Variants in CACNG2 observed in about 807,000 individuals in gnomAD.
CACNG2 encodes voltage-dependent calcium channel gamma-2 subunit.
In CACNG2, 3 loss-of-function variants were observed where a neutral mutation model predicts 25.9. The ratio of observed to expected loss-of-function variants is 0.12; its 90% CI spans 0.05 to 0.30. The LOEUF is 0.30. CACNG2 is among the 10% of genes least tolerant of loss of function. The probability of loss-of-function intolerance (pLI) is 1.00; values close to 1 mark genes in which losing one functional copy is unlikely to be tolerated. For synonymous variants in CACNG2, 167 were observed against 173.3 expected, an observed-to-expected ratio of 0.96 and a Z score of 0.29; for missense variants, 341 against 432.5, an observed-to-expected ratio of 0.79 and a Z score of 1.88.
intron 1 of CACNG2, among the ~76,000 whole-genome samples, chr22:36,660,103 C>T (rs907077680): frequency 3.0e-4 from 46 of 152,250 alleles, no homozygotes; most frequent in Non-Finnish European, 2.2e-4. Context: ...TGGCACAGAC[C>T]TGTCCCACCT....
intron 1 of CACNG2, among the ~76,000 whole-genome samples, chr22:36,630,310 G>C (rs955386957): frequency 2.0e-5 from 3 of 152,160 alleles, no homozygotes; most frequent in African/African-American, 4.8e-5. Context: ...GGAGATGGCA[G>C]TTTGGGATCA....
In CACNG2 at chr22:36,560,930, T is replaced by G. The variant is rs1935017083; in HGVS notation, c.*3421A>C. 1 of 149,304 alleles carries G rather than the reference T, an allele frequency of 6.7e-6. No individual in the cohort carries two copies. 9.2% of individuals were successfully genotyped at this position (149,304 alleles called of 1,614,324 possible). ...TTTTTTTTTTCAGTTTTCTGCTTTT[T>G]AAAATTTTTTTTCTGTTAACAGTCT... On this transcript the variant is annotated 3_prime_UTR_variant, in exon 4 of 4. Transcript: ENST00000300105.
intron 1 of CACNG2, among the ~76,000 whole-genome samples, chr22:36,691,726 A>C (rs576881608): frequency 6.6e-6 from 1 of 152,346 alleles, no homozygotes; most frequent in East Asian, 1.9e-4. Context: ...ATCACAGCAC[A>C]TATCTTCAGA....
chr22:36,642,359 C>G (rs568958159), intron 1 of CACNG2, among the ~76,000 whole-genome samples: 132 of 152,192 alleles, frequency 8.7e-4, no homozygotes, highest in Non-Finnish European at 1.6e-3. Flanking sequence ...CACTCCACCC[C>G]CAATGCATTC....
chr22:36,564,204 TTTTTTTG>T lies in CACNG2; in HGVS notation c.*140_*146del, dbSNP rs1462740377. ...TTTTCTCTTTTTTTGTGTGTGTGTG[TTTTTTTG>T]TTTTTTGTTTTTTTGTTTTTTTTGT... On this transcript the variant is annotated 3_prime_UTR_variant, in exon 4 of 4. Transcript: ENST00000300105. The surrounding 1 kb of genome is among the most constrained non-coding windows in gnomAD (Gnocchi z 6.7). 1.6e-6 allele frequency: 1 copy of T among 644,776 alleles called. No individual in the cohort carries two copies. The highest frequency in any genetic ancestry group is 2.5e-6 in the Non-Finnish European group (1 of 398,550). The allele number at this position is 644,776 out of a possible 1,614,324, so 39.9% of individuals were successfully genotyped here. A position where few individuals can be genotyped will look rare whatever the true frequency, so the allele number is the denominator to read the frequency against.
intron 1 of CACNG2, among the ~76,000 whole-genome samples, chr22:36,603,225 G>A (rs1387415815): frequency 2.0e-5 from 3 of 152,238 alleles, no homozygotes; most frequent in African/African-American, 7.2e-5. Context: ...TTAAGCCAAA[G>A]CCTAATCCAG....
At chr22:36,657,136 T>C (rs1936719357) in intron 1 of CACNG2, among the ~76,000 whole-genome samples, 1 of 152,210 alleles carries the variant, frequency 6.6e-6, no homozygotes, top group African/African-American at 2.4e-5. Flanking sequence ...CCTCAGTCTC[T>C]GATGTTTGCT....
At chr22:36,587,899 C>T (rs1935530135) in intron 1 of CACNG2, among the ~76,000 whole-genome samples, 1 of 152,228 alleles carries the variant, frequency 6.6e-6, no homozygotes, top group Admixed American at 6.5e-5. Flanking sequence ...GTCTCTGTGC[C>T]CCAGCATAGC....
chr22:36,644,148 A>G (rs1418955826), intron 1 of CACNG2, among the ~76,000 whole-genome samples: 3 of 152,234 alleles, frequency 2.0e-5, no homozygotes, highest in African/African-American at 7.2e-5. Flanking sequence ...TATTAAGTAT[A>G]AAGCTCATCT....
intron 1 of CACNG2, among the ~76,000 whole-genome samples, chr22:36,613,092 G>A (rs1156622179): frequency 6.6e-6 from 1 of 151,818 alleles, no homozygotes; most frequent in Non-Finnish European, 1.5e-5. Flanking sequence ...TAACTGCATT[G>A]TCAAACTCTA....
chr22:36,602,077 T>G (rs538540750), intron 1 of CACNG2, among the ~76,000 whole-genome samples: 1 of 152,300 alleles, frequency 6.6e-6, no homozygotes, highest in Non-Finnish European at 1.5e-5. Flanking sequence ...ATTAGTGACG[T>G]TGGACACTTT....
chr22:36,626,274 C>G (rs941536646), intron 1 of CACNG2, among the ~76,000 whole-genome samples: 1 of 152,152 alleles, frequency 6.6e-6, no homozygotes, highest in Non-Finnish European at 1.5e-5. Context: ...AAATTCTAAC[C>G]CTATTTCTGA....
intron 1 of CACNG2, among the ~76,000 whole-genome samples, chr22:36,666,152 A>G (rs1418016945): frequency 6.6e-6 from 1 of 152,220 alleles, no homozygotes; most frequent in Non-Finnish European, 1.5e-5. Flanking sequence ...AACCTGTAAC[A>G]CTAGCACTTT....
At chr22:36,684,471 G>A (rs992675219) in intron 1 of CACNG2, among the ~76,000 whole-genome samples, 8 of 151,820 alleles carry the variant, frequency 5.3e-5, no homozygotes, top group African/African-American at 1.9e-4. Context: ...AAAAAAATGA[G>A]CCGGTGTGAT....
chr22:36,640,108 C>A (rs1196972987), intron 1 of CACNG2, among the ~76,000 whole-genome samples: 1 of 152,192 alleles, frequency 6.6e-6, no homozygotes, highest in Non-Finnish European at 1.5e-5. Context: ...GGGACCCAGA[C>A]TTCCAGGGTT....
At position 36,564,275 on chromosome 22, in the gene CACNG2, T is replaced by C; in HGVS notation, c.*76A>G. On this transcript the variant is annotated 3_prime_UTR_variant, in exon 4 of 4. Transcript: ENST00000300105. The surrounding 1 kb of genome is among the most constrained non-coding windows in gnomAD (Gnocchi z 6.7). ...TTTTGGAAGGTCTCCCAGCGGAGGG[T>C]CTGGGTCTCCCCGCCCCGCCCCGCC... The C allele has an allele frequency of 1.2e-5, 17 of 1,391,072 alleles. No homozygotes were observed. The highest frequency in any genetic ancestry group is 1.7e-5 in the Non-Finnish European group (17 of 1,015,206). 86.2% of individuals were successfully genotyped at this position (1,391,072 alleles called of 1,614,324 possible). A position where few individuals can be genotyped will look rare whatever the true frequency, so the allele number is the denominator to read the frequency against.
rs545064014 is a variant in CACNG2, at chr22:36,576,402, T to C, written c.296-9909A>G. 1.1e-3 allele frequency among the ~76,000 whole-genome samples: 165 copies of C among 152,086 alleles called. 3 individuals are homozygous for C. The South Asian group carries it at 0.033, about 31-fold the overall frequency. The stretch of plus-strand genomic sequence containing the variant: ...GAAAGGGTGGGGAGAGGATGAGGTA[T>C]AAAAGGCTACAAATTGGGTTCATTG... On this transcript the variant is annotated intron_variant, in intron 2 of 3. Coordinates refer to ENST00000300105, the MANE Select transcript of CACNG2 (RefSeq NM_006078.5).
rs145926384 is a variant in CACNG2, at chr22:36,655,945, T to G, written c.211+46421A>C. On this transcript the variant is annotated intron_variant, in intron 1 of 3. Transcript: ENST00000300105. The stretch of plus-strand genomic sequence containing the variant: ...GCCTCAGCCTCCTGAGTAGCTGGGA[T>G]TACAGGTGTGTGCCACCACGCCCAG... Among the ~76,000 whole-genome samples the G allele has an allele frequency of 3.3e-3, 502 of 152,084 alleles. 4 individuals carry two copies. The highest frequency in any genetic ancestry group is 0.011 in the African/African-American group (469 of 41,472).
At chr22:36,702,298 G>A (rs1038845768) in intron 1 of CACNG2, 68 bp downstream of exon 1, 5 of 959,040 alleles carry the variant, frequency 5.2e-6, no homozygotes, top group African/African-American at 4.9e-5. Flanking sequence ...TTTGGAGGAG[G>A]GTGGGGAGGG....
Sources: allele counts gnomAD v4.1 joint callset (sites outside exome capture counted in the v4.1 genomes callset), GRCh38; gene constraint gnomAD v4.1.1; non-coding constraint Gnocchi (gnomAD v3.1); transcripts MANE v1.5; gene names NCBI Gene and HGNC (gene_info 2026-07-23, HGNC 2026-07-21).